Variants in CORO2B observed in about 807,000 individuals in gnomAD.
The protein encoded by CORO2B is coronin 2B.
CORO2B carries 26 observed loss-of-function variants against 58.8 expected under a neutral mutation model. The ratio of observed to expected loss-of-function variants is 0.44; its 90% CI spans 0.32 to 0.61. CORO2B has a LOEUF of 0.61. Ranked by LOEUF, CORO2B falls within the 20% of genes least tolerant of loss-of-function variation. The pLI is 0.04. For missense variants in CORO2B, 460 were observed against 645.1 expected (o/e 0.71, Z 3.11); for synonymous variants, 242 against 253.8 (o/e 0.95, Z 0.44).
the CORO2B span, among the ~76,000 whole-genome samples, chr15:68,571,117 T>C: frequency 6.6e-6 from 1 of 152,316 alleles, no homozygotes; most frequent in African/African-American, 2.4e-5. Flanking sequence ...GGATGGTAAA[T>C]ATCTCTTTAA....
chr15:68,652,577 A>G (rs1314200050), intron 2 of CORO2B, among the ~76,000 whole-genome samples: 1 of 152,220 alleles, frequency 6.6e-6, no homozygotes, highest in Non-Finnish European at 1.5e-5. Context: ...GGTTCTCCCT[A>G]TAACCCAGCC....
the CORO2B span, among the ~76,000 whole-genome samples, chr15:68,559,006 C>T: frequency 6.6e-6 from 1 of 152,190 alleles, no homozygotes; most frequent in Non-Finnish European, 1.5e-5. This position sits in a 1 kb window ranked among gnomAD's most constrained non-coding sequence, Gnocchi z 4.3. Flanking sequence ...ACTTTACCAT[C>T]TTCAGTTTTA....
chr15:68,711,249 CA>C (rs550087581), intron 4 of CORO2B, among the ~76,000 whole-genome samples: 143 of 152,150 alleles, frequency 9.4e-4, no homozygotes, highest in African/African-American at 3.2e-3. Flanking sequence ...GGCATATCCT[CA>C]AAAAAAGGTG....
At chr15:68,547,308 A>G in the CORO2B span, among the ~76,000 whole-genome samples, 11 of 152,200 alleles carry the variant, frequency 7.2e-5, 1 homozygote, top group Admixed American at 2.0e-4. Flanking sequence ...GACCCTGTAA[A>G]AATTACCTGT....
At chr15:68,620,371 G>A (rs1900484309) in intron 1 of CORO2B, among the ~76,000 whole-genome samples, 1 of 152,196 alleles carries the variant, frequency 6.6e-6, no homozygotes, top group Non-Finnish European at 1.5e-5. Flanking sequence ...CATGGTTCGG[G>A]TGATTTGTAG....
Position 68,677,385 on chromosome 15 carries a change from G to T in CORO2B, c.217-17755G>T, listed in dbSNP as rs547757079. Among the ~76,000 whole-genome samples, 13 of 152,328 alleles carry T rather than the reference G, an allele frequency of 8.5e-5. No homozygotes were observed. The South Asian group carries it at 2.3e-3, about 27-fold the overall frequency. On this transcript the variant is annotated intron_variant, in intron 2 of 11. Coordinates refer to ENST00000261861, the MANE Select transcript of CORO2B (RefSeq NM_006091.5). ...ACAGATGAGGCCCAGACAGGGATAG[G>T]GCTAGCTGAAGGCCACACAGCAGAG...
intron 2 of CORO2B, among the ~76,000 whole-genome samples, chr15:68,694,131 C>T (rs1035596453): frequency 1.2e-4 from 18 of 152,122 alleles, no homozygotes; most frequent in African/African-American, 3.4e-4. Context: ...CCACCGCACC[C>T]GGCTTGGTTG....
rs1371661904 is a variant in CORO2B at position 68,645,859 on chromosome 15, T to C, written c.216+499T>C. Among the ~76,000 whole-genome samples the C allele has an allele frequency of 6.6e-6, 1 of 152,100 alleles. No individual in the cohort carries two copies. The highest frequency in any genetic ancestry group is 1.5e-5 in the Non-Finnish European group (1 of 68,018). ...CGCGATCTCGGCTCACTGCAACCTC[T>C]GCCTCCCAGGTTCAAGCGATTCTCC... On this transcript the variant is annotated intron_variant, in intron 2 of 11. Transcript: ENST00000261861. The surrounding 1 kb of genome is among the most constrained non-coding windows in gnomAD (Gnocchi z 4.5).
chr15:68,714,786 C>G, intron 7 of CORO2B, 123 bp downstream of exon 7: 1 of 714,060 alleles, frequency 1.4e-6, no homozygotes. Flanking sequence ...CTGGGCCTCA[C>G]CTTTCCCATC....
chr15:68,613,277 A>G lies in CORO2B; in HGVS notation c.16-31883A>G, dbSNP rs1021336943. Among the ~76,000 whole-genome samples the G allele has an allele frequency of 2.0e-5, 3 of 152,254 alleles. No individual in the cohort carries two copies. The South Asian group carries it at 6.2e-4, about 31-fold the overall frequency. On this transcript the variant is annotated intron_variant, in intron 1 of 11. Coordinates refer to ENST00000261861, the MANE Select transcript of CORO2B (RefSeq NM_006091.5). ...AGAGAATAGAAGAACAGAATCCAGA[A>G]TAGAAGAACGGGAAATGAGCAATTT...
chr15:68,592,843 C>A (rs1233304389), intron 1 of CORO2B, among the ~76,000 whole-genome samples: 1 of 152,192 alleles, frequency 6.6e-6, no homozygotes, highest in Non-Finnish European at 1.5e-5. Flanking sequence ...GGTTCTCAAC[C>A]CCGGCTGCAA....
intron 8 of CORO2B, among the ~76,000 whole-genome samples, chr15:68,717,049 A>G (rs1292878619): frequency 6.6e-6 from 1 of 152,126 alleles, no homozygotes; most frequent in African/African-American, 2.4e-5. Flanking sequence ...CAAGCCTGTA[A>G]TCCTAGCAGT....
intron 2 of CORO2B, among the ~76,000 whole-genome samples, chr15:68,687,386 A>G (rs916753769): frequency 4.6e-5 from 7 of 152,196 alleles, no homozygotes; most frequent in South Asian, 2.1e-4. Flanking sequence ...TGAAGCTGCA[A>G]TGCAGGTTGG....
chr15:68,627,495 G>T (rs761431273), intron 1 of CORO2B, among the ~76,000 whole-genome samples: 2 of 152,104 alleles, frequency 1.3e-5, no homozygotes, highest in Non-Finnish European at 2.9e-5. Context: ...GAAGAGGGCG[G>T]GCATCTCTTT....
chr15:68,716,996 G>A (rs929168105), intron 8 of CORO2B, among the ~76,000 whole-genome samples: 3 of 152,078 alleles, frequency 2.0e-5, no homozygotes, highest in Non-Finnish European at 4.4e-5. Flanking sequence ...GATGGGATCC[G>A]AAATGTTAGT....
At chr15:68,616,193 G>A (rs79015583) in intron 1 of CORO2B, among the ~76,000 whole-genome samples, 8,460 of 152,070 alleles carry the variant, frequency 0.056, 337 homozygotes, top group Non-Finnish European at 0.079. Flanking sequence ...GGTTGCTGTC[G>A]GGGATATGGC....
At chr15:68,574,993 G>A (rs998633441), upstream of CORO2B, among the ~76,000 whole-genome samples, 3 of 152,176 alleles carry the variant, frequency 2.0e-5, no homozygotes, top group African/African-American at 2.4e-5. Context: ...AATGTGTACC[G>A]TATCCCCTCA....
chr15:68,725,421 A>T (rs1424839992), intron 11 of CORO2B, among the ~76,000 whole-genome samples: 4 of 152,058 alleles, frequency 2.6e-5, no homozygotes, highest in African/African-American at 7.2e-5. Context: ...TATATGTAAT[A>T]CATGTAATAA....
Position 68,645,029 on chromosome 15 carries a change from C to T in CORO2B, c.16-131C>T, listed in dbSNP as rs1157670978. On this transcript the variant is annotated intron_variant, in intron 1 of 11. Transcript: ENST00000261861. This position sits in a 1 kb window ranked among gnomAD's most constrained non-coding sequence, Gnocchi z 4.5. ...GGATGCTTCTTCCTTTCCATCTCTT[C>T]CTGACAGGGGACCCAGGGCCTGCTC... The T allele has an allele frequency of 2.4e-6, 2 of 850,002 alleles. No individual in the cohort carries two copies. The highest frequency in any genetic ancestry group is 1.7e-5 in the African/African-American group (1 of 58,600). The allele number at this position is 850,002 out of a possible 1,614,324, so 52.7% of individuals were successfully genotyped here.
Sources: allele counts gnomAD v4.1 joint callset (sites outside exome capture counted in the v4.1 genomes callset), GRCh38; gene constraint gnomAD v4.1.1; non-coding constraint Gnocchi (gnomAD v3.1); transcripts MANE v1.5; gene names NCBI Gene and HGNC (gene_info 2026-07-23, HGNC 2026-07-21).